PACRG: variants seen among roughly 807,000 people sequenced by gnomAD.
PACRG encodes parkin coregulated.
A neutral mutation model predicts 29.7 loss-of-function variants in PACRG; 29 were observed. The ratio of observed to expected loss-of-function variants is 0.98; its 90% confidence interval spans 0.73 to 1.33. The LOEUF is 1.33. PACRG is among the 40% of genes most tolerant of loss of function. The pLI is 0.00. For synonymous variants in PACRG, 116 were observed against 118.7 expected, an observed-to-expected ratio of 0.98 and a Z score of 0.15; for missense variants, 279 against 316.2, an observed-to-expected ratio of 0.88 and a Z score of 0.89.
rs1236388606 is a variant in PACRG at position 162,776,716 on chromosome 6, T to G, written c.157-37431T>G. On this transcript the variant is annotated intron_variant, in intron 1 of 4. Coordinates refer to ENST00000366888, the MANE Select transcript of PACRG (RefSeq NM_001080379.2). Reference sequence around the variant, plus strand: ...GGCTTGGAGCTTAAGCTTGGTTAATTTCATAGTCAGTCTGCTTCTGCCTAT... The same window carrying G: ...GGCTTGGAGCTTAAGCTTGGTTAATGTCATAGTCAGTCTGCTTCTGCCTAT... Among the ~76,000 whole-genome samples, 9 of 152,178 alleles carry G rather than the reference T, an allele frequency of 5.9e-5. No homozygotes were observed. The East Asian group carries it at 1.7e-3, about 29-fold the overall frequency.
chr6:163,039,859 A>G (rs1281679847), intron 2 of PACRG, among the ~76,000 whole-genome samples: 3 of 152,216 alleles, frequency 2.0e-5, no homozygotes, highest in African/African-American at 7.2e-5. Flanking sequence ...CAGAGCAGAA[A>G]AGTTTGGAAA....
At chr6:163,237,993 T>A (rs1018580211) in intron 4 of PACRG, among the ~76,000 whole-genome samples, 4 of 152,214 alleles carry the variant, frequency 2.6e-5, no homozygotes, top group Admixed American at 2.0e-4. Flanking sequence ...TTTTCATTAA[T>A]CAACTAAACA....
intron 4 of PACRG, among the ~76,000 whole-genome samples, chr6:163,141,166 C>T (rs775702687): frequency 1.4e-4 from 22 of 151,914 alleles, no homozygotes; most frequent in Admixed American, 6.6e-4. Context: ...GTTGATATCT[C>T]GAGTGCTGAG....
At chr6:162,952,132 C>T (rs2128133448) in intron 2 of PACRG, among the ~76,000 whole-genome samples, 1 of 152,266 alleles carries the variant, frequency 6.6e-6, no homozygotes, top group Admixed American at 6.5e-5. Flanking sequence ...AGAGACTCAT[C>T]TTCTAGTAAA....
At chr6:163,109,647 C>A (rs1372364858) in intron 4 of PACRG, among the ~76,000 whole-genome samples, 1 of 152,168 alleles carries the variant, frequency 6.6e-6, no homozygotes, top group Non-Finnish European at 1.5e-5. Context: ...CACCTCCTCC[C>A]CTCAATGCTT....
chr6:163,057,042 A>C (rs929647248), intron 2 of PACRG, among the ~76,000 whole-genome samples: 7 of 152,190 alleles, frequency 4.6e-5, no homozygotes, highest in African/African-American at 1.7e-4. Flanking sequence ...AAACAGCGTG[A>C]GATATATAAC....
chr6:162,727,637 C>T (rs1779347509), upstream of PACRG: 2 of 1,582,594 alleles, frequency 1.3e-6, no homozygotes, highest in South Asian at 1.1e-5. Context: ...CGCAGAGAGG[C>T]TGTACCTGGC....
chr6:162,864,248 C>T (rs2128445218), intron 2 of PACRG, among the ~76,000 whole-genome samples: 1 of 152,228 alleles, frequency 6.6e-6, no homozygotes, highest in Non-Finnish European at 1.5e-5. Flanking sequence ...GCCAATTATC[C>T]ATATTTTGAT....
chr6:163,005,319 A>T (rs1804965099), intron 2 of PACRG, among the ~76,000 whole-genome samples: 1 of 151,876 alleles, frequency 6.6e-6, no homozygotes, highest in African/African-American at 2.4e-5. Context: ...TCAGATATTT[A>T]TTATTTTCTT....
At chr6:163,125,796 C>T (rs1816490492) in intron 4 of PACRG, among the ~76,000 whole-genome samples, 1 of 152,150 alleles carries the variant, frequency 6.6e-6, no homozygotes, top group Admixed American at 6.5e-5. Context: ...CATTCAACCC[C>T]TAAACTCTAC....
chr6:163,084,937 A>G (rs962436483), intron 3 of PACRG, among the ~76,000 whole-genome samples: 2 of 148,606 alleles, frequency 1.3e-5, no homozygotes, highest in Non-Finnish European at 3.0e-5. Flanking sequence ...CTTCTCTCAC[A>G]TTGGCAGTAG....
intron 4 of PACRG, among the ~76,000 whole-genome samples, chr6:163,105,145 T>A (rs1292936644): frequency 6.6e-6 from 1 of 152,138 alleles, no homozygotes; most frequent in Non-Finnish European, 1.5e-5. Flanking sequence ...AATAATTCAT[T>A]GCAAATAAAA....
At chr6:163,255,194 T>C (rs989968441) in intron 4 of PACRG, among the ~76,000 whole-genome samples, 6 of 152,102 alleles carry the variant, frequency 3.9e-5, no homozygotes, top group African/African-American at 1.4e-4. Flanking sequence ...CTACATAGAA[T>C]TGTTGGTGTC....
intron 4 of PACRG, among the ~76,000 whole-genome samples, chr6:163,159,134 C>T (rs2128341258): frequency 6.6e-6 from 1 of 152,170 alleles, no homozygotes; most frequent in African/African-American, 2.4e-5. Context: ...TCCACATTGT[C>T]ACTGCATACT....
intron 3 of PACRG, among the ~76,000 whole-genome samples, chr6:163,079,798 A>G (rs1444214853): frequency 6.7e-6 from 1 of 148,738 alleles, no homozygotes; most frequent in Admixed American, 6.7e-5. Context: ...TGCACATTGT[A>G]TCTTTCTTTA....
chr6:163,141,784 TGTAAA>T (rs1253725627), intron 4 of PACRG, among the ~76,000 whole-genome samples: 1 of 151,964 alleles, frequency 6.6e-6, no homozygotes, highest in East Asian at 1.9e-4. Context: ...AGCAGAAACA[TGTAAA>T]GTAAAAGCTA....
intron 1 of PACRG, among the ~76,000 whole-genome samples, chr6:162,737,561 T>C (rs1289647687): frequency 2.0e-5 from 3 of 152,214 alleles, no homozygotes; most frequent in African/African-American, 2.4e-5. Context: ...AATAGAGATA[T>C]TTGAGAGGAA....
At chr6:162,974,685 T>C (rs1190735230) in intron 2 of PACRG, among the ~76,000 whole-genome samples, 3 of 152,246 alleles carry the variant, frequency 2.0e-5, no homozygotes, top group Admixed American at 1.3e-4. Context: ...ATATTAATAA[T>C]TGCTAACACA....
At chr6:162,989,589 A>C (rs946494732) in intron 2 of PACRG, among the ~76,000 whole-genome samples, 14 of 152,222 alleles carry the variant, frequency 9.2e-5, no homozygotes, top group Non-Finnish European at 1.5e-5. Flanking sequence ...TTAGGAAATC[A>C]TAACCAAAAA....
Sources: allele counts gnomAD v4.1 joint callset (sites outside exome capture counted in the v4.1 genomes callset), GRCh38; gene constraint gnomAD v4.1.1; transcripts MANE v1.5; gene names NCBI Gene and HGNC (gene_info 2026-07-23, HGNC 2026-07-21).